Variants in JHY observed in about 807,000 individuals in gnomAD.
JHY encodes the protein junctional cadherin complex regulator, also known as jhy protein homolog.
A neutral mutation model predicts 78.0 loss-of-function variants in JHY; 69 were observed. That is an observed-to-expected ratio of 0.88 (90% CI 0.73 to 1.08). The LOEUF (loss-of-function observed/expected upper bound fraction) is 1.08. JHY is among the 50% of genes least tolerant of loss of function. The pLI, the probability that JHY is intolerant of heterozygous loss-of-function variation, is 0.00. For synonymous variants in JHY, 368 were observed against 342.6 expected (o/e 1.07, Z -0.82); for missense variants, 944 against 927.8 (o/e 1.02, Z -0.23).
chr11:122,951,620 T>C (rs750180512), intron 6 of JHY, among the ~76,000 whole-genome samples: 6 of 152,206 alleles, frequency 3.9e-5, no homozygotes, highest in Non-Finnish European at 8.8e-5. Flanking sequence ...GTACCACCTT[T>C]CAGAGTTGAA....
At chr11:122,885,253 C>T (rs1015810647) in intron 1 of JHY, among the ~76,000 whole-genome samples, 1 of 152,158 alleles carries the variant, frequency 6.6e-6, no homozygotes, top group Non-Finnish European at 1.5e-5. Flanking sequence ...GGTCTAGGAA[C>T]AAAACAGCTT....
intron 3 of JHY, among the ~76,000 whole-genome samples, chr11:122,914,606 G>A (rs765250603): frequency 5.9e-5 from 9 of 151,816 alleles, no homozygotes; most frequent in Non-Finnish European, 8.8e-5. Context: ...CACCACGCCC[G>A]GCTAATTTTT....
At chr11:122,896,860 G>GTTTT (rs1862750002) in intron 2 of JHY, among the ~76,000 whole-genome samples, 1 of 152,084 alleles carries the variant, frequency 6.6e-6, no homozygotes, top group African/African-American at 2.4e-5. Flanking sequence ...TTGTTTGTTT[G>GTTTT]TTTGTTTGTT....
rs923888870 is a variant in JHY at position 122,957,353 on chromosome 11, C to T, written c.2011-10C>T. On this transcript the variant is annotated splice_polypyrimidine_tract_variant and intron_variant, in intron 7 of 8. Transcript: ENST00000227349. ...ACCTGGATTCATCATAACTTTGTTT[C>T]TCTGAACAGACGCAAAAATTAATAC... 1 of 1,520,424 alleles carries T rather than the reference C, an allele frequency of 6.6e-7. No individual in the cohort carries two copies. Among genetic ancestry groups the T allele is most frequent in the Non-Finnish European group, 8.7e-7 (1 of 1,147,342 alleles). The allele number at this position is 1,520,424 out of a possible 1,614,324, so 94.2% of individuals were successfully genotyped here.
intron 5 of JHY, among the ~76,000 whole-genome samples, chr11:122,937,410 T>C (rs922941301): frequency 1.1e-4 from 17 of 152,146 alleles, no homozygotes; most frequent in African/African-American, 4.1e-4. Flanking sequence ...CTCTCTTTCT[T>C]GGAGCCAGAC....
chr11:122,906,839 T>C (rs947752378), intron 3 of JHY, among the ~76,000 whole-genome samples: 4 of 152,188 alleles, frequency 2.6e-5, no homozygotes, highest in African/African-American at 9.6e-5. Context: ...TAAGCTCTTA[T>C]ATTACTCTCT....
chr11:122,894,466 C>T (rs968420599), intron 2 of JHY, among the ~76,000 whole-genome samples: 4 of 152,286 alleles, frequency 2.6e-5, no homozygotes, highest in East Asian at 3.9e-4. Context: ...AAAAAACACT[C>T]GAGCCTTCCT....
intron 5 of JHY, among the ~76,000 whole-genome samples, chr11:122,945,839 C>G (rs909885602): frequency 5.9e-5 from 9 of 152,108 alleles, no homozygotes; most frequent in African/African-American, 1.7e-4. Flanking sequence ...GGTTGTTTTT[C>G]TATTCAGAGC....
At chr11:122,947,460 G>T (rs1407936842) in intron 6 of JHY, 3 of 152,146 alleles carry the variant, frequency 2.0e-5, no homozygotes, top group Admixed American at 1.3e-4. Flanking sequence ...TAAAATTGGG[G>T]ACCCAAAGTA....
At chr11:122,894,017 G>C (rs548559589) in intron 2 of JHY, among the ~76,000 whole-genome samples, 17 of 152,150 alleles carry the variant, frequency 1.1e-4, no homozygotes, top group Admixed American at 7.2e-4. Context: ...GCTAAATCTG[G>C]CACTTAAAAT....
At chr11:122,951,326 C>A (rs1864079266) in intron 6 of JHY, among the ~76,000 whole-genome samples, 1 of 152,192 alleles carries the variant, frequency 6.6e-6, no homozygotes, top group South Asian at 2.1e-4. Context: ...TTGCAACCCA[C>A]CACAAAATGA....
intron 4 of JHY, 107 bp downstream of exon 4, chr11:122,925,117 G>A: frequency 1.1e-6 from 1 of 880,520 alleles, no homozygotes; most frequent in Non-Finnish European, 1.7e-6. Context: ...TTATGCCTGA[G>A]AATAATTACC....
chr11:122,916,830 G>A (rs1261383052), intron 3 of JHY, among the ~76,000 whole-genome samples: 1 of 151,894 alleles, frequency 6.6e-6, no homozygotes, highest in Non-Finnish European at 1.5e-5. Flanking sequence ...GTAGAGATAG[G>A]GTTTCGCCCG....
chr11:122,928,842 G>C (rs1442543950), intron 4 of JHY, among the ~76,000 whole-genome samples: 1 of 152,000 alleles, frequency 6.6e-6, no homozygotes, highest in Non-Finnish European at 1.5e-5. Context: ...TAGAGACGGG[G>C]TTTCACCGTG....
Position 122,885,928 on chromosome 11 carries a change from C to CA in JHY, c.80dup (p.His27GlnfsTer20), listed in dbSNP as rs1198333167. 6.2e-7 allele frequency: 1 copy of CA among 1,614,156 alleles called. No homozygotes were observed. The highest frequency in any genetic ancestry group is 1.1e-5 in the South Asian group (1 of 91,072). On this transcript the variant is annotated frameshift_variant, in exon 2 of 9. Coordinates refer to ENST00000227349, the MANE Select transcript of JHY (RefSeq NM_024806.4). LOFTEE classifies it high-confidence loss of function. The stretch of plus-strand genomic sequence containing the variant: ...TACCAACTTAAATGTCCAGTCCACA[C>CA]ACCCACCTTTGAAGAAAGAAGACTT...
chr11:122,956,629 G>A, intron 7 of JHY, 53 bp downstream of exon 7: 1 of 1,501,106 alleles, frequency 6.7e-7, no homozygotes, highest in Non-Finnish European at 9.2e-7. Flanking sequence ...CCATCTGTCT[G>A]TTAGGAAACT....
chr11:122,937,242 C>CTTTTTTTTTT (rs11353255), intron 5 of JHY, among the ~76,000 whole-genome samples: 7 of 137,664 alleles, frequency 5.1e-5, no homozygotes, highest in Non-Finnish European at 6.3e-5. Context: ...CTTTTCATTT[C>CTTTTTTTTTT]TTTTTTTTTT....
chr11:122,947,468 G>T (rs936705646), intron 6 of JHY: 2 of 152,198 alleles, frequency 1.3e-5, no homozygotes, highest in African/African-American at 4.8e-5. Context: ...GGGACCCAAA[G>T]TAGAATGTTT....
chr11:122,903,920 G>A lies in JHY; in HGVS notation c.345-5G>A, dbSNP rs1456463265. 1.3e-6 allele frequency: 2 copies of A among 1,562,568 alleles called. No individual in the cohort carries two copies. The highest frequency in any genetic ancestry group is 2.7e-5 in the African/African-American group (2 of 73,126). ...GACTTGGCATTTCTCTTCTGCTTTG[G>A]GCAGGCAACAACCAATAGAAGACAA... On this transcript the variant is annotated splice_polypyrimidine_tract_variant and splice_region_variant and intron_variant, in intron 2 of 8. Coordinates refer to ENST00000227349, the MANE Select transcript of JHY (RefSeq NM_024806.4).
Sources: gnomAD v4.1 joint callset for allele counts (sites outside exome capture counted in the v4.1 genomes callset) on GRCh38, gnomAD v4.1.1 for gene constraint, MANE v1.5 for transcripts, NCBI Gene and HGNC (gene_info 2026-07-23, HGNC 2026-07-21) for gene names.